ASIC2: variants seen among roughly 807,000 people sequenced by gnomAD.
ASIC2 encodes the protein acid-sensing ion channel 2.
Under a neutral mutation model 57.3 loss-of-function variants are expected in ASIC2, and 25 were observed. The observed-to-expected ratio is 0.44, with a 90% CI of 0.32 to 0.61. The LOEUF is 0.61. Among genes scored for constraint, ASIC2 ranks in the 20% least tolerant of loss-of-function variants. ASIC2 has a pLI of 0.06. For synonymous variants in ASIC2, 319 were observed against 307.5 expected (o/e 1.04, Z -0.39); for missense variants, 641 against 738.1 (o/e 0.87, Z 1.52).
intron 1 of ASIC2, among the ~76,000 whole-genome samples, chr17:33,513,377 G>C (rs943014583): frequency 3.9e-5 from 6 of 152,260 alleles, no homozygotes; most frequent in African/African-American, 1.4e-4. Flanking sequence ...AGCTTTAGCT[G>C]TGTCCCATAG....
At chr17:33,418,968 G>A (rs1910954846) in intron 1 of ASIC2, among the ~76,000 whole-genome samples, 1 of 151,918 alleles carries the variant, frequency 6.6e-6, no homozygotes, top group Non-Finnish European at 1.5e-5. Context: ...GGGGGGCTGG[G>A]GGAGGGATAG....
chr17:34,065,337 C>T (rs564581240), intron 1 of ASIC2, among the ~76,000 whole-genome samples: 161 of 151,898 alleles, frequency 1.1e-3, no homozygotes, highest in African/African-American at 3.7e-3. Context: ...GAGGATGCAA[C>T]GGATGTTGGG....
At chr17:34,088,202 T>C (rs1221893234) in intron 1 of ASIC2, among the ~76,000 whole-genome samples, 1 of 152,058 alleles carries the variant, frequency 6.6e-6, no homozygotes, top group Non-Finnish European at 1.5e-5. Flanking sequence ...ATGATGGTGA[T>C]GTACAGATGG....
At chr17:33,845,508 C>T (rs1913555474) in intron 1 of ASIC2, among the ~76,000 whole-genome samples, 1 of 151,074 alleles carries the variant, frequency 6.6e-6, no homozygotes. Context: ...TTAGGAGGAA[C>T]AGAGTGGCTC....
intron 8 of ASIC2, 134 bp from the exon 9 acceptor site, chr17:33,016,173 C>G: frequency 2.7e-6 from 2 of 737,984 alleles, no homozygotes; most frequent in Non-Finnish European, 4.5e-6. Flanking sequence ...ACAAGCCCAG[C>G]CTGGCAGCCA....
At chr17:33,552,744 A>G (rs1425692812) in intron 1 of ASIC2, among the ~76,000 whole-genome samples, 2 of 152,306 alleles carry the variant, frequency 1.3e-5, no homozygotes, top group East Asian at 1.9e-4. Context: ...TGAGGTAACA[A>G]TTTTAGGGCA....
At chr17:33,082,677 C>T (rs955355422) in intron 3 of ASIC2, among the ~76,000 whole-genome samples, 5 of 150,644 alleles carry the variant, frequency 3.3e-5, no homozygotes, top group African/African-American at 7.3e-5. Flanking sequence ...CCACCCTGGG[C>T]GACAGAGTGA....
intron 1 of ASIC2, among the ~76,000 whole-genome samples, chr17:33,173,407 C>T (rs898501729): frequency 6.6e-6 from 1 of 152,164 alleles, no homozygotes; most frequent in African/African-American, 2.4e-5. Context: ...GGGCCTGATC[C>T]TCCACACTGC....
intron 1 of ASIC2, among the ~76,000 whole-genome samples, chr17:33,412,175 T>C (rs1910686883): frequency 6.6e-6 from 1 of 152,248 alleles, no homozygotes; most frequent in Non-Finnish European, 1.5e-5. Flanking sequence ...TCCTTGATCC[T>C]ATTGCTTTTT....
intron 1 of ASIC2, among the ~76,000 whole-genome samples, chr17:33,950,334 C>G (rs1178438401): frequency 6.6e-6 from 1 of 152,206 alleles, no homozygotes; most frequent in Non-Finnish European, 1.5e-5. Context: ...GAGGACCAGG[C>G]CTCTTCCTCC....
intron 1 of ASIC2, among the ~76,000 whole-genome samples, chr17:33,747,122 G>T (rs1466838932): frequency 6.6e-6 from 1 of 151,384 alleles, no homozygotes; most frequent in African/African-American, 2.4e-5. Flanking sequence ...GATTGTGAAT[G>T]TACTTTGTAG....
chr17:33,116,426 C>T (rs2092281279), intron 1 of ASIC2, among the ~76,000 whole-genome samples: 1 of 152,218 alleles, frequency 6.6e-6, no homozygotes. Context: ...TAAGTCCAGA[C>T]TGTCAGGTTG....
At chr17:33,913,355 T>C (rs1597927478) in intron 1 of ASIC2, among the ~76,000 whole-genome samples, 2 of 152,194 alleles carry the variant, frequency 1.3e-5, no homozygotes. Flanking sequence ...GTGAAATTGT[T>C]GTGTCTATCC....
chr17:33,952,447 AC>A (rs1904608381), intron 1 of ASIC2, among the ~76,000 whole-genome samples: 1 of 152,148 alleles, frequency 6.6e-6, no homozygotes, highest in Non-Finnish European at 1.5e-5. Flanking sequence ...ATAGGACCCC[AC>A]TTCTTAGGGC....
intron 1 of ASIC2, chr17:34,069,920 T>C (rs1217099931): frequency 6.6e-6 from 1 of 152,076 alleles, no homozygotes; most frequent in Non-Finnish European, 1.5e-5. Context: ...TCAGGTAAAA[T>C]TATTTAATCT....
intron 1 of ASIC2, among the ~76,000 whole-genome samples, chr17:33,961,748 A>C (rs2141992385): frequency 6.6e-6 from 1 of 152,246 alleles, no homozygotes; most frequent in South Asian, 2.1e-4. Flanking sequence ...GGAGGGAAAA[A>C]AAAGTCAACC....
chr17:33,138,860 T>C (rs2092376524), intron 1 of ASIC2, among the ~76,000 whole-genome samples: 1 of 152,240 alleles, frequency 6.6e-6, no homozygotes, highest in Admixed American at 6.5e-5. Flanking sequence ...CTGGCTGCCT[T>C]TTCTGTCTCC....
intron 1 of ASIC2, among the ~76,000 whole-genome samples, chr17:33,276,773 G>A (rs1268688725): frequency 6.6e-6 from 1 of 152,234 alleles, no homozygotes; most frequent in Non-Finnish European, 1.5e-5. Context: ...AGCAGCAGCA[G>A]CCTGACGGTC....
At chr17:33,067,905 C>T (rs1370611592) in intron 3 of ASIC2, among the ~76,000 whole-genome samples, 1 of 152,078 alleles carries the variant, frequency 6.6e-6, no homozygotes, top group African/African-American at 2.4e-5. Context: ...CTGAGTAGTC[C>T]ACAACCCCTG....
Sources: allele counts gnomAD v4.1 joint callset (sites outside exome capture counted in the v4.1 genomes callset), GRCh38; gene constraint gnomAD v4.1.1; transcripts MANE v1.5; gene names NCBI Gene and HGNC (gene_info 2026-07-23, HGNC 2026-07-21).